SYT16: variants seen among roughly 807,000 people sequenced by gnomAD.
The protein encoded by SYT16 is synaptotagmin 16.
In SYT16, 42 loss-of-function variants were observed where a neutral mutation model predicts 61.4. The observed-to-expected ratio is 0.68, with a 90% confidence interval of 0.53 to 0.89. The LOEUF (loss-of-function observed/expected upper bound fraction) is 0.89. Ranked by LOEUF, SYT16 falls within the 40% of genes least tolerant of loss-of-function variation. The pLI is 0.00. For missense variants in SYT16, 804 were observed against 807.3 expected, an observed-to-expected ratio of 1.00 and a Z score of 0.05; for synonymous variants, 314 against 302.3, an observed-to-expected ratio of 1.04 and a Z score of -0.40.
chr14:62,006,659 A>G (rs547302470), intron 3 of SYT16, among the ~76,000 whole-genome samples: 2 of 152,310 alleles, frequency 1.3e-5, no homozygotes, highest in South Asian at 2.1e-4. Flanking sequence ...GAGACTACTT[A>G]TAGTGTCATC....
intron 1 of SYT16, among the ~76,000 whole-genome samples, chr14:61,827,157 T>G (rs924393218): frequency 3.3e-5 from 5 of 152,222 alleles, no homozygotes; most frequent in African/African-American, 1.2e-4. Context: ...GTCCTCTGGC[T>G]TCATTGTTGG....
intron 1 of SYT16, among the ~76,000 whole-genome samples, chr14:61,962,039 T>G (rs2051135670): frequency 6.6e-6 from 1 of 152,160 alleles, no homozygotes; most frequent in African/African-American, 2.4e-5. Flanking sequence ...TAACGCCTGT[T>G]CTTACTTATA....
chr14:61,891,271 C>A (rs1417550341), intron 1 of SYT16, among the ~76,000 whole-genome samples: 2 of 151,476 alleles, frequency 1.3e-5, no homozygotes, highest in Non-Finnish European at 2.9e-5. Context: ...CACACACACA[C>A]AATTTATCCA....
intron 5 of SYT16, chr14:62,077,559 T>C (rs190232631): frequency 5.8e-4 from 89 of 152,300 alleles, no homozygotes; most frequent in African/African-American, 2.1e-3. Flanking sequence ...CCTTGAGAAG[T>C]TAATTAAAAT....
chr14:61,816,227 G>A (rs2045422098), intron 1 of SYT16, among the ~76,000 whole-genome samples: 1 of 151,744 alleles, frequency 6.6e-6, no homozygotes, highest in Non-Finnish European at 1.5e-5. Context: ...TTGGCAACCT[G>A]CAGTTTCCTT....
At chr14:61,916,244 G>A (rs937978786) in intron 1 of SYT16, among the ~76,000 whole-genome samples, 2 of 152,022 alleles carry the variant, frequency 1.3e-5, no homozygotes, top group Admixed American at 6.6e-5. Flanking sequence ...TCTTTGTTCA[G>A]GAAATATCCA....
In SYT16 at chr14:62,058,872, G is replaced by A. The variant is rs150824480; in HGVS notation, c.524-10731G>A. Among the ~76,000 whole-genome samples, 214 of 152,246 alleles carry A rather than the reference G, an allele frequency of 1.4e-3. 1 individual carries two copies. The highest frequency in any genetic ancestry group is 4.6e-3 in the African/African-American group (193 of 41,538). ...AAAGAAAATGTGGCATATATGCACC[G>A]TGGAATATTATGCAGCCATAGAAAA... On this transcript the variant is annotated intron_variant, in intron 3 of 7. Transcript: ENST00000683842.
intron 3 of SYT16, among the ~76,000 whole-genome samples, chr14:62,000,700 A>G (rs2052978923): frequency 6.6e-6 from 1 of 152,022 alleles, no homozygotes; most frequent in African/African-American, 2.4e-5. Flanking sequence ...CTCATGTTAA[A>G]AAAAGGCTTA....
intron 1 of SYT16, among the ~76,000 whole-genome samples, chr14:61,965,420 C>T (rs546553637): frequency 5.3e-5 from 8 of 152,112 alleles, no homozygotes; most frequent in Non-Finnish European, 1.2e-4. Flanking sequence ...GAAACATGAA[C>T]TCTTTTGAAA....
At position 62,105,498 on chromosome 14, in the gene SYT16, C is replaced by T. The variant is rs1051249057; in HGVS notation, c.*4791C>T. On this transcript the variant is annotated 3_prime_UTR_variant, in exon 8 of 8. Coordinates refer to ENST00000683842, the MANE Select transcript of SYT16 (RefSeq NM_001367656.1). ...TAATAACACAGCTCTCAAAACGTAT[C>T]TGTTTGACTGGAATGTCCTGCTCAG... 6.6e-6 allele frequency: 1 copy of T among 152,202 alleles called. No homozygotes were observed. Among genetic ancestry groups the T allele is most frequent in the African/African-American group, 2.4e-5 (1 of 41,460 alleles). The allele number at this position is 152,202 out of a possible 1,614,324, so 9.4% of individuals were successfully genotyped here. A position where few individuals can be genotyped will look rare whatever the true frequency, so the allele number is the denominator to read the frequency against.
rs1187324664 is a variant in SYT16, at chr14:61,858,839, T to TTTTTC, written c.-325+46049_-325+46053dup. ...GAAAAGCAGCCCCAAATCATTTTCT[T>TTTTTC]TTTTCTTTTCTTTTCTTTTCTTTTT... On this transcript the variant is annotated intron_variant, in intron 1 of 7. Coordinates refer to ENST00000683842, the MANE Select transcript of SYT16 (RefSeq NM_001367656.1). 4.3e-3 allele frequency among the ~76,000 whole-genome samples: 644 copies of TTTTTC among 150,732 alleles called. 5 individuals carry two copies. Among genetic ancestry groups the TTTTTC allele is most frequent in the African/African-American group, 0.014 (588 of 40,758 alleles).
In SYT16 at chr14:61,936,894, A is replaced by T. The variant is rs188024935; in HGVS notation, c.-324-33238A>T. 1.1e-4 allele frequency among the ~76,000 whole-genome samples: 16 copies of T among 152,350 alleles called. No homozygotes were observed. The East Asian group carries it at 3.1e-3, about 29-fold the overall frequency. On this transcript the variant is annotated intron_variant, in intron 1 of 7. Transcript: ENST00000683842. The stretch of plus-strand genomic sequence containing the variant: ...AGGTTTTCTAAAAATGGCAGCATTT[A>T]TACCTGATGTCACAAGGGGTACCCG...
At chr14:61,867,981 A>C (rs1195918730) in intron 1 of SYT16, among the ~76,000 whole-genome samples, 1 of 152,026 alleles carries the variant, frequency 6.6e-6, no homozygotes, top group East Asian at 1.9e-4. Flanking sequence ...TTGAATGTTG[A>C]ATCAGTCTTG....
chr14:62,076,487 T>C (rs1193020603), intron 5 of SYT16, among the ~76,000 whole-genome samples: 1 of 151,730 alleles, frequency 6.6e-6, no homozygotes, highest in Non-Finnish European at 1.5e-5. Flanking sequence ...TTCCAAGCCT[T>C]AACTGCTAAC....
At chr14:62,062,891 C>T (rs568397808) in intron 3 of SYT16, among the ~76,000 whole-genome samples, 1 of 152,324 alleles carries the variant, frequency 6.6e-6, no homozygotes, top group African/African-American at 2.4e-5. Context: ...CACTGCATTG[C>T]TCCTATGTGG....
At chr14:62,052,198 C>T (rs1338646323) in intron 3 of SYT16, among the ~76,000 whole-genome samples, 1 of 152,020 alleles carries the variant, frequency 6.6e-6, no homozygotes, top group Non-Finnish European at 1.5e-5. Context: ...CTAATATGTG[C>T]ATTAGATTAA....
Position 61,924,954 on chromosome 14 carries a change from A to T in SYT16, c.-324-45178A>T, listed in dbSNP as rs573694330. Among the ~76,000 whole-genome samples the T allele has an allele frequency of 2.0e-5, 3 of 152,258 alleles. No individual in the cohort carries two copies. In the South Asian group the frequency reaches 6.2e-4, roughly 32 times the overall value. ...TAGGGACCCAGGCTGCTTCTGTCTCATTGCTTCACCATCTTTAACACATCT... is the reference window on the plus strand; with the variant it reads ...TAGGGACCCAGGCTGCTTCTGTCTCTTTGCTTCACCATCTTTAACACATCT... On this transcript the variant is annotated intron_variant, in intron 1 of 7. Transcript: ENST00000683842.
chr14:61,917,160 A>G (rs1001200473), intron 1 of SYT16, among the ~76,000 whole-genome samples: 1 of 152,196 alleles, frequency 6.6e-6, no homozygotes, highest in Non-Finnish European at 1.5e-5. Flanking sequence ...AAGAACCTCC[A>G]TAATGAGATT....
chr14:62,070,409 T>C (rs1043450778), intron 4 of SYT16, among the ~76,000 whole-genome samples: 5 of 152,194 alleles, frequency 3.3e-5, no homozygotes, highest in African/African-American at 1.2e-4. Flanking sequence ...ACACCCCACC[T>C]GCATGAAAAT....
Sources: allele counts gnomAD v4.1 joint callset (sites outside exome capture counted in the v4.1 genomes callset), GRCh38; gene constraint gnomAD v4.1.1; transcripts MANE v1.5; gene names NCBI Gene and HGNC (gene_info 2026-07-23, HGNC 2026-07-21).